Variants in CC2D1B observed in about 807,000 individuals in gnomAD.
The protein encoded by CC2D1B is coiled-coil and C2 domain containing 1B.
CC2D1B carries 92 observed loss-of-function variants against 110.8 expected under a neutral mutation model. That is an observed-to-expected ratio of 0.83 (90% confidence interval 0.70 to 0.99). The LOEUF is 0.99. CC2D1B is among the 50% of genes least tolerant of loss of function. The pLI is 0.00. For synonymous variants in CC2D1B, 406 were observed against 429.2 expected, an observed-to-expected ratio of 0.95 and a Z score of 0.67; for missense variants, 1,136 against 1,089.0, an observed-to-expected ratio of 1.04 and a Z score of -0.61.
In CC2D1B at chr1:52,356,239, C is replaced by G; in HGVS notation, c.2001G>C (p.Gln667His). 6.2e-7 allele frequency: 1 copy of G among 1,614,212 alleles called. No homozygotes were observed. Among genetic ancestry groups the G allele is most frequent in the Non-Finnish European group, 8.5e-7 (1 of 1,180,036 alleles). Residue 667 changes from glutamine (Q) to histidine (H), a missense_variant, in exon 18 of 25, where the codon CAG (glutamine) becomes CAC (histidine). Transcript: ENST00000284376. ...QLEILQLAQA[Q>H]GLDPPTHHFE... is the part of the protein sequence containing the mutation. ...AGTGGTGGGTGGGAGGGTCGAGGCC[C>G]TGAGCCTGGGCCAGCTGCAGGATCT...
At chr1:52,356,091 G>A in intron 18 of CC2D1B, 95 bp downstream of exon 18, 1 of 1,151,400 alleles carries the variant, frequency 8.7e-7, no homozygotes, top group East Asian at 2.3e-5. Context: ...GGCCAGGCTT[G>A]GGAAGCCTCA....
In CC2D1B at chr1:52,361,558, C is replaced by T. The variant is rs766424994; in HGVS notation, c.273G>A (p.Glu91=). ...KLAADCMRDV[E]EEEEEEGLEE... ...CCAGCCCTTCCTCCTCCTCCTCCTC[C>T]TCCACATCCCGCATACAGTCTGCCG... Residue 91 remains glutamate, a synonymous_variant, in exon 4 of 25, where the codon GAG becomes GAA. Transcript: ENST00000284376. 7.4e-6 allele frequency: 12 copies of T among 1,613,072 alleles called. No homozygotes were observed. Among genetic ancestry groups the T allele is most frequent in the Middle Eastern group, 1.6e-4 (1 of 6,084 alleles).
In CC2D1B at chr1:52,357,006, G is replaced by C. The variant is rs1484067880; in HGVS notation, c.1873C>G (p.Gln625Glu). Residue 625 changes from glutamine to glutamate, a missense_variant, in exon 16 of 25, where the codon CAA becomes GAA. Coordinates refer to ENST00000284376, the MANE Select transcript of CC2D1B (RefSeq NM_001330585.2). ...AQLQKMLLEQ[Q>E]EKCLLFSKQF... ...CAGACGAGGGGCCTGCTGACCTCTT[G>C]TTGCTCCAGAAGCATTTTTTGCAGC... is the stretch of plus-strand genomic sequence containing the variant. 3.2e-6 allele frequency: 5 copies of C among 1,555,072 alleles called. No homozygotes were observed. The East Asian group carries it at 1.2e-4, about 38-fold the overall frequency.
chr1:52,360,769 G>A (rs1291105720), intron 5 of CC2D1B: 14 of 882,734 alleles, frequency 1.6e-5, no homozygotes, highest in African/African-American at 5.1e-5. Flanking sequence ...TATGGCTCCC[G>A]GGGGGTAGTC....
chr1:52,356,801 C>T, intron 16 of CC2D1B, 200 bp downstream of exon 16: 1 of 623,986 alleles, frequency 1.6e-6, no homozygotes, highest in East Asian at 2.8e-5. Flanking sequence ...TTTGTACCAC[C>T]CTGAAAGGGG....
At chr1:52,356,728 T>C in intron 16 of CC2D1B, 1 of 599,522 alleles carries the variant, frequency 1.7e-6, no homozygotes, top group East Asian at 2.8e-5. Context: ...CAGGTGGCAG[T>C]TCAGATAGAT....
At chr1:52,353,803 T>G (rs1343877146) in intron 23 of CC2D1B, 156 bp from the exon 24 acceptor site, 3 of 575,422 alleles carry the variant, frequency 5.2e-6, no homozygotes, top group South Asian at 4.8e-5. Flanking sequence ...CTCCCAGTAT[T>G]TGGAGGAGGA....
Position 52,366,054 on chromosome 1 carries a change from G to C in CC2D1B, c.-15+15C>G, listed in dbSNP as rs933309567. On this transcript the variant is annotated intron_variant, in intron 1 of 24. Coordinates refer to ENST00000284376, the MANE Select transcript of CC2D1B (RefSeq NM_001330585.2). ...CCCAGAACTCCCCACGCCGAGGGGC[G>C]GGGACGCGGCATACCTCGCGGTGAA... The C allele has an allele frequency of 6.6e-6, 1 of 152,306 alleles. No individual in the cohort carries two copies. Among genetic ancestry groups the C allele is most frequent in the African/African-American group, 2.4e-5 (1 of 41,442 alleles). 9.4% of individuals were successfully genotyped at this position (152,306 alleles called of 1,614,324 possible). A position where few individuals can be genotyped will look rare whatever the true frequency, so the allele number is the denominator to read the frequency against.
At chr1:52,356,534 C>T in intron 16 of CC2D1B, 92 bp from the exon 17 acceptor site, 1 of 1,335,674 alleles carries the variant, frequency 7.5e-7, no homozygotes, top group Middle Eastern at 2.4e-4. Flanking sequence ...CTTCAACTTT[C>T]CTCTGTAGCC....
chr1:52,357,038 T>C lies in CC2D1B; in HGVS notation c.1841A>G (p.Tyr614Cys). The change falls in exon 16 of 25, where the codon TAT becomes TGT. Residue 614 changes from tyrosine to cysteine, a missense_variant. Physicochemically the swap from Tyr to Cys is radical, Grantham distance 194 (BLOSUM62 -2). Coordinates refer to ENST00000284376, the MANE Select transcript of CC2D1B (RefSeq NM_001330585.2). ...CAGAAGCATTTTTTGCAGCTGGGCA[T>C]ACACCTCCTCCGCCTTCTGGGAGAG... ...LRLSQKAEEV[Y>C]AQLQKMLLEQ... 2.5e-6 allele frequency: 4 copies of C among 1,585,784 alleles called. No individual in the cohort carries two copies. The highest frequency in any genetic ancestry group is 2.3e-5 in the East Asian group (1 of 43,732).
chr1:52,365,867 C>A (rs2147899697), intron 1 of CC2D1B, among the ~76,000 whole-genome samples: 1 of 152,274 alleles, frequency 6.6e-6, no homozygotes, highest in Admixed American at 6.5e-5. Flanking sequence ...CAGGTGAAAG[C>A]GAGGCCAGAC....
In CC2D1B at chr1:52,361,075, C is replaced by T. The variant is rs1253933068; in HGVS notation, c.376G>A (p.Glu126Lys). Residue 126 changes from glutamate to lysine, a missense_variant, in exon 5 of 25, where the codon GAG (glutamate) becomes AAG (lysine). By Grantham distance (56) the Glu-to-Lys change is moderately conservative. Coordinates refer to ENST00000284376, the MANE Select transcript of CC2D1B (RefSeq NM_001330585.2). ...DEETEPLDGD[E>K]VADPGGSEEE... Reference sequence around the variant, plus strand: ...TCAGAGCCGCCTGGGTCAGCTACCTCATCACCATCCAGGGGCTCAGTCTCC... The same window carrying T: ...TCAGAGCCGCCTGGGTCAGCTACCTTATCACCATCCAGGGGCTCAGTCTCC... 1 of 1,614,108 alleles carries T rather than the reference C, an allele frequency of 6.2e-7. No homozygotes were observed. Among genetic ancestry groups the T allele is most frequent in the East Asian group, 2.2e-5 (1 of 44,872 alleles).
At chr1:52,360,361 C>T in intron 6 of CC2D1B, 63 bp downstream of exon 6, 2 of 1,598,634 alleles carry the variant, frequency 1.3e-6, no homozygotes, top group Non-Finnish European at 1.7e-6. Flanking sequence ...CTGGTGCGAT[C>T]TCCACCAGCC....
At position 52,357,913 on chromosome 1, in the gene CC2D1B, G is replaced by A. The variant is rs746932589; in HGVS notation, c.1462-15C>T. ...GGGGGCTCACCCTGCAGGTGCCCAG[G>A]AGGCTGTTAGGAGGGGATGTGTTCC... On this transcript the variant is annotated splice_polypyrimidine_tract_variant and intron_variant, in intron 13 of 24. Transcript: ENST00000284376. The A allele has an allele frequency of 2.6e-6, 4 of 1,537,804 alleles. No homozygotes were observed. Among genetic ancestry groups the A allele is most frequent in the South Asian group, 1.3e-5 (1 of 76,826 alleles).
intron 11 of CC2D1B, 134 bp downstream of exon 11, chr1:52,358,893 G>A (rs1438576672): frequency 6.9e-7 from 1 of 1,440,196 alleles, no homozygotes; most frequent in African/African-American, 1.4e-5. Flanking sequence ...AGATCCCTAA[G>A]GCAGCAAGAG....
intron 1 of CC2D1B, among the ~76,000 whole-genome samples, chr1:52,365,115 C>T (rs1238233033): frequency 1.3e-5 from 2 of 152,242 alleles, no homozygotes; most frequent in Non-Finnish European, 2.9e-5. Flanking sequence ...CATCCAAGGA[C>T]ATGTCATCAA....
In CC2D1B at chr1:52,353,426, A is replaced by G. The variant is rs200702003; in HGVS notation, c.*1+92T>C. The G allele has an allele frequency of 1.6e-5, 24 of 1,525,008 alleles. No individual in the cohort carries two copies. The East Asian group carries it at 5.2e-4, about 33-fold the overall frequency. The allele number at this position is 1,525,008 out of a possible 1,614,324, so 94.5% of individuals were successfully genotyped here. On this transcript the variant is annotated intron_variant, in intron 24 of 24. Coordinates refer to ENST00000284376, the MANE Select transcript of CC2D1B (RefSeq NM_001330585.2). ...ATGGTAGGTCTTTCTCATAGATGAGAAACTCCTAGGTTTTCTCTCCAGATA... is the reference window on the plus strand; with the variant it reads ...ATGGTAGGTCTTTCTCATAGATGAGGAACTCCTAGGTTTTCTCTCCAGATA...
At chr1:52,364,249 A>T (rs1462149595) in intron 2 of CC2D1B, among the ~76,000 whole-genome samples, 1 of 152,182 alleles carries the variant, frequency 6.6e-6, no homozygotes, top group East Asian at 1.9e-4. Context: ...CCTCCCACTG[A>T]CTACAGCCCT....
At position 52,353,003 on chromosome 1, in the gene CC2D1B, G is replaced by A. The variant is rs368885040; in HGVS notation, c.*222C>T. 29 of 391,268 alleles carry A rather than the reference G, an allele frequency of 7.4e-5. No individual in the cohort carries two copies. The highest frequency in any genetic ancestry group is 5.1e-4 in the Middle Eastern group (1 of 1,960). 24.2% of individuals were successfully genotyped at this position (391,268 alleles called of 1,614,324 possible). ...CAGACTCGGGGCAGGGGGAGACAGCGGGGAGATGGGCTCCTGGAACCCAGC... is the reference window on the plus strand; with the variant it reads ...CAGACTCGGGGCAGGGGGAGACAGCAGGGAGATGGGCTCCTGGAACCCAGC... On this transcript the variant is annotated 3_prime_UTR_variant, in exon 25 of 25. Coordinates refer to ENST00000284376, the MANE Select transcript of CC2D1B (RefSeq NM_001330585.2).
Sources: gnomAD v4.1 joint callset for allele counts (sites outside exome capture counted in the v4.1 genomes callset) on GRCh38, gnomAD v4.1.1 for gene constraint, MANE v1.5 for transcripts, NCBI Gene and HGNC (gene_info 2026-07-23, HGNC 2026-07-21) for gene names.